The following CCDC88C variants were observed in gnomAD, a reference collection of about 807,000 sequenced individuals.
The protein encoded by CCDC88C is coiled-coil and HOOK domain protein 88C.
Under a neutral mutation model 198.8 loss-of-function variants are expected in CCDC88C, and 131 were observed. The ratio of observed to expected loss-of-function variants is 0.66; its 90% CI spans 0.57 to 0.76. The LOEUF (loss-of-function observed/expected upper bound fraction) is 0.76. Ranked by LOEUF, CCDC88C falls within the 30% of genes least tolerant of loss-of-function variation. The pLI is 0.00. For missense variants in CCDC88C, 2,553 were observed against 2,631.6 expected, an observed-to-expected ratio of 0.97 and a Z score of 0.65; for synonymous variants, 1,166 against 1,114.7, an observed-to-expected ratio of 1.05 and a Z score of -0.92.
chr14:91,326,156 GCAAA>G (rs1892575336), intron 10 of CCDC88C, 100 bp from the exon 11 acceptor site: 1 of 1,081,344 alleles, frequency 9.2e-7, no homozygotes, highest in African/African-American at 1.6e-5. Flanking sequence ...CTGGACCCAA[GCAAA>G]CAATCTAGAG....
chr14:91,301,903 C>T (rs1891309980), intron 20 of CCDC88C, among the ~76,000 whole-genome samples: 1 of 152,118 alleles, frequency 6.6e-6, no homozygotes, highest in Non-Finnish European at 1.5e-5. Context: ...GCACCACGTA[C>T]ACAATAAATG....
intron 3 of CCDC88C, among the ~76,000 whole-genome samples, chr14:91,402,368 T>G (rs1474660619): frequency 2.0e-5 from 3 of 152,216 alleles, no homozygotes; most frequent in Non-Finnish European, 4.4e-5. Flanking sequence ...ATCCTAATTT[T>G]TAGTAAACAG....
chr14:91,307,841 A>C (rs1421253979), intron 17 of CCDC88C, among the ~76,000 whole-genome samples: 1 of 152,230 alleles, frequency 6.6e-6, no homozygotes, highest in African/African-American at 2.4e-5. Context: ...GAGAGCATGC[A>C]TGTACATGTG....
intron 3 of CCDC88C, among the ~76,000 whole-genome samples, chr14:91,405,199 C>T (rs1440118164): frequency 6.6e-6 from 1 of 152,114 alleles, no homozygotes; most frequent in African/African-American, 2.4e-5. Context: ...GCGACACGGC[C>T]CACGCTCTTT....
At chr14:91,277,000 C>T (rs370998049) in intron 29 of CCDC88C, among the ~76,000 whole-genome samples, 13 of 152,140 alleles carry the variant, frequency 8.5e-5, no homozygotes, top group Non-Finnish European at 1.5e-4. Flanking sequence ...GACAGAGTCT[C>T]GCTCTGTCGC....
At chr14:91,291,922 C>T (rs185822415) in intron 23 of CCDC88C, among the ~76,000 whole-genome samples, 5 of 152,310 alleles carry the variant, frequency 3.3e-5, no homozygotes, top group East Asian at 1.9e-4. Flanking sequence ...CTTAGGGAGT[C>T]ACGGGGCTGC....
At chr14:91,417,193 C>G in intron 1 of CCDC88C, 2 of 703,162 alleles carry the variant, frequency 2.8e-6, no homozygotes, top group South Asian at 1.5e-5. Flanking sequence ...TCGGCGCCCC[C>G]CATTCCCCAC....
chr14:91,311,580 T>C (rs1007328370), intron 15 of CCDC88C, among the ~76,000 whole-genome samples: 2 of 152,204 alleles, frequency 1.3e-5, no homozygotes, highest in Non-Finnish European at 2.9e-5. Context: ...GGGCCTTAAG[T>C]GCAGTGACTC....
intron 16 of CCDC88C, among the ~76,000 whole-genome samples, 180 bp from the exon 17 acceptor site, chr14:91,308,672 C>G (rs868716998): frequency 9.2e-5 from 14 of 152,166 alleles, no homozygotes; most frequent in African/African-American, 2.7e-4. Flanking sequence ...GGGGGGTTCC[C>G]TGGGTAGAAA....
chr14:91,391,876 T>C (rs1037061839), intron 3 of CCDC88C, among the ~76,000 whole-genome samples: 1 of 152,174 alleles, frequency 6.6e-6, no homozygotes, highest in African/African-American at 2.4e-5. Flanking sequence ...AAATTTTTAC[T>C]CTACTCTGGA....
intron 2 of CCDC88C, among the ~76,000 whole-genome samples, chr14:91,411,914 G>A (rs970172057): frequency 2.0e-5 from 3 of 146,360 alleles, no homozygotes; most frequent in Non-Finnish European, 4.4e-5. Flanking sequence ...AATGAGCAGA[G>A]ATCAAGCCAC....
intron 21 of CCDC88C, 136 bp from the exon 22 acceptor site, chr14:91,297,627 CTTTT>C: frequency 1.6e-6 from 1 of 635,290 alleles, no homozygotes; most frequent in East Asian, 3.1e-5. Context: ...CCTCTCTGGG[CTTTT>C]TTTTTTTTCC....
At chr14:91,393,438 G>T (rs1353351573) in intron 3 of CCDC88C, among the ~76,000 whole-genome samples, 1 of 152,152 alleles carries the variant, frequency 6.6e-6, no homozygotes, top group East Asian at 1.9e-4. Context: ...GTAGGAGAAG[G>T]GGTACAGACA....
chr14:91,352,324 C>T lies in CCDC88C; in HGVS notation c.340+7318G>A, dbSNP rs545279873. On this transcript the variant is annotated intron_variant, in intron 4 of 29. Coordinates refer to ENST00000389857, the MANE Select transcript of CCDC88C (RefSeq NM_001080414.4). The surrounding 1 kb of genome is among the most constrained non-coding windows in gnomAD (Gnocchi z 4.2). Reference sequence around the variant, plus strand: ...GGCCGGCGTGTGGGCCGCACTGTGACGCTCGGCTGGGCTTGGTGTCAGCCA... The same window carrying T: ...GGCCGGCGTGTGGGCCGCACTGTGATGCTCGGCTGGGCTTGGTGTCAGCCA... 3.0e-4 allele frequency among the ~76,000 whole-genome samples: 45 copies of T among 152,268 alleles called. No individual in the cohort carries two copies. The highest frequency in any genetic ancestry group is 9.6e-4 in the African/African-American group (40 of 41,558).
chr14:91,323,535 C>T (rs1201923976), intron 12 of CCDC88C, among the ~76,000 whole-genome samples: 1 of 152,202 alleles, frequency 6.6e-6, no homozygotes, highest in East Asian at 1.9e-4. Context: ...TCAGGCTTTG[C>T]TTGCACGATG....
chr14:91,287,294 C>G (rs1890451545), intron 25 of CCDC88C, among the ~76,000 whole-genome samples: 1 of 152,174 alleles, frequency 6.6e-6, no homozygotes, highest in South Asian at 2.1e-4. Flanking sequence ...GGTGCTGACT[C>G]TATCTAATCT....
Position 91,279,292 on chromosome 14 carries a change from T to C in CCDC88C, c.4714A>G (p.Ser1572Gly), listed in dbSNP as rs1032316567. 4.4e-6 allele frequency: 7 copies of C among 1,601,952 alleles called. No individual in the cohort carries two copies. In the African/African-American group the frequency reaches 6.7e-5, roughly 15 times the overall value. The change falls in exon 28 of 30, where the codon AGC (serine) becomes GGC (glycine). Residue 1572 changes from serine to glycine, a missense_variant. Ser to Gly is a moderately conservative substitution (Grantham distance 56, BLOSUM62 0). Around this residue, in one of 2 missense-constraint regions of CCDC88C, gnomAD observed 1,293 missense variants for 1,219.6 expected, o/e 1.06. Transcript: ENST00000389857. ...GATGTGTTTCTACTGCTCTCTAAGC[T>C]ACTTGGCCGCGACACTGAAAGGAAA... ...NHRQYVSRPS[S>G]LESSRNTSSN...
At chr14:91,377,711 C>T (rs997738912) in intron 3 of CCDC88C, among the ~76,000 whole-genome samples, 1 of 152,220 alleles carries the variant, frequency 6.6e-6, no homozygotes. Flanking sequence ...AAAATTGTGA[C>T]TTACACAAGA....
At chr14:91,351,647 C>T (rs891231794) in intron 4 of CCDC88C, among the ~76,000 whole-genome samples, 6 of 152,126 alleles carry the variant, frequency 3.9e-5, no homozygotes, top group African/African-American at 1.4e-4. Context: ...CCGGCATTAA[C>T]ATAACCAGGC....
Sources: allele counts gnomAD v4.1 joint callset (sites outside exome capture counted in the v4.1 genomes callset), GRCh38; gene constraint gnomAD v4.1.1; regional missense constraint gnomAD v4.1.1; non-coding constraint Gnocchi (gnomAD v3.1); transcripts MANE v1.5; gene names NCBI Gene and HGNC (gene_info 2026-07-23, HGNC 2026-07-21).